The following CNTN5 variants were observed in gnomAD, a reference collection of about 807,000 sequenced individuals.
CNTN5 encodes the protein contactin 5.
In CNTN5, 77 loss-of-function variants were observed where a neutral mutation model predicts 129.1. That is an observed-to-expected ratio of 0.60 (90% CI 0.50 to 0.72). The LOEUF (loss-of-function observed/expected upper bound fraction) is 0.72, where lower values mean the gene tolerates loss of function less well. Among genes scored for constraint, CNTN5 ranks in the 30% least tolerant of loss-of-function variants. CNTN5 has a pLI of 0.00. For missense variants in CNTN5, 1,478 were observed against 1,328.8 expected (o/e 1.11, Z -1.75); for synonymous variants, 509 against 465.6 (o/e 1.09, Z -1.20).
At chr11:99,246,708 C>T (rs757310778) in intron 1 of CNTN5, among the ~76,000 whole-genome samples, 3 of 152,006 alleles carry the variant, frequency 2.0e-5, no homozygotes, top group Non-Finnish European at 4.4e-5. Flanking sequence ...AAAGACAAAC[C>T]ATCCAAATCT....
chr11:99,390,276 C>T (rs1255415759), intron 2 of CNTN5, among the ~76,000 whole-genome samples: 1 of 152,046 alleles, frequency 6.6e-6, no homozygotes, highest in Non-Finnish European at 1.5e-5. Flanking sequence ...TACCACTAAG[C>T]CCAGCTCATC....
At chr11:99,399,852 T>C (rs1013974390) in intron 2 of CNTN5, among the ~76,000 whole-genome samples, 2 of 151,778 alleles carry the variant, frequency 1.3e-5, no homozygotes, top group African/African-American at 4.8e-5. Context: ...TTTCTATAAT[T>C]TTTTATTTTT....
chr11:99,890,322 A>G (rs1296855372), intron 6 of CNTN5, among the ~76,000 whole-genome samples: 2 of 152,172 alleles, frequency 1.3e-5, no homozygotes, highest in Admixed American at 6.6e-5. Context: ...TAAAATATCT[A>G]TGAATCATAC....
At chr11:99,703,955 A>C (rs2134892304) in intron 3 of CNTN5, among the ~76,000 whole-genome samples, 1 of 151,192 alleles carries the variant, frequency 6.6e-6, no homozygotes, top group African/African-American at 2.4e-5. Context: ...AGAATAAATA[A>C]TCTGAAACAA....
intron 15 of CNTN5, among the ~76,000 whole-genome samples, chr11:100,218,128 G>A (rs1412489829): frequency 6.6e-6 from 1 of 152,096 alleles, no homozygotes; most frequent in East Asian, 1.9e-4. Flanking sequence ...TGCATTGGAG[G>A]TCCAAGAAAA....
intron 2 of CNTN5, among the ~76,000 whole-genome samples, chr11:99,457,802 G>A (rs191663697): frequency 9.2e-5 from 14 of 151,590 alleles, no homozygotes; most frequent in Admixed American, 2.6e-4. Context: ...TCACTTTTAT[G>A]TATTTTTTTT....
intron 13 of CNTN5, among the ~76,000 whole-genome samples, chr11:100,186,023 A>G (rs949323357): frequency 2.0e-5 from 3 of 152,194 alleles, no homozygotes; most frequent in Non-Finnish European, 4.4e-5. Flanking sequence ...GTAAAGGTTT[A>G]AACTAAGTTG....
intron 2 of CNTN5, among the ~76,000 whole-genome samples, chr11:99,504,529 C>CCA (rs1401975825): frequency 1.1e-5 from 1 of 90,338 alleles, no homozygotes; most frequent in East Asian, 3.0e-4. Context: ...GACTCCGTCT[C>CCA]AAAAAAAAAA....
chr11:99,295,733 G>A (rs913112359), intron 1 of CNTN5, among the ~76,000 whole-genome samples: 26 of 151,642 alleles, frequency 1.7e-4, no homozygotes, highest in African/African-American at 3.9e-4. Flanking sequence ...AAAATTAGCC[G>A]GGCGCGGTGG....
chr11:100,036,607 A>G (rs542872412), intron 9 of CNTN5, among the ~76,000 whole-genome samples: 6 of 149,272 alleles, frequency 4.0e-5, no homozygotes, highest in African/African-American at 1.2e-4. Context: ...TGAGCAAGGA[A>G]TGTTCTTCCA....
At chr11:99,538,012 G>T (rs1033588674) in intron 2 of CNTN5, among the ~76,000 whole-genome samples, 12 of 152,130 alleles carry the variant, frequency 7.9e-5, no homozygotes, top group African/African-American at 2.9e-4. Context: ...TCCTCTAATT[G>T]GTGGCTGCCT....
chr11:99,076,938 T>A (rs550662061), intron 1 of CNTN5, among the ~76,000 whole-genome samples: 1 of 152,316 alleles, frequency 6.6e-6, no homozygotes, highest in East Asian at 1.9e-4. Context: ...ATTTTGTTAT[T>A]TTTCTGCTTC....
chr11:100,038,569 G>T (rs970312977), intron 9 of CNTN5, among the ~76,000 whole-genome samples: 1 of 152,090 alleles, frequency 6.6e-6, no homozygotes, highest in African/African-American at 2.4e-5. Context: ...ACAGTGAGGT[G>T]TTAAAATCTC....
intron 13 of CNTN5, among the ~76,000 whole-genome samples, chr11:100,189,915 A>G (rs984857203): frequency 9.2e-5 from 14 of 152,100 alleles, no homozygotes; most frequent in African/African-American, 2.9e-4. Context: ...ATTGGAAACC[A>G]TATGTTTTCA....
At chr11:99,182,105 A>G (rs534332498) in intron 1 of CNTN5, among the ~76,000 whole-genome samples, 1 of 152,266 alleles carries the variant, frequency 6.6e-6, no homozygotes, top group African/African-American at 2.4e-5. Flanking sequence ...CTGCCCGCTG[A>G]TTAAATAGTC....
intron 1 of CNTN5, among the ~76,000 whole-genome samples, chr11:99,100,107 C>T (rs1038696928): frequency 6.6e-6 from 1 of 151,810 alleles, no homozygotes; most frequent in East Asian, 1.9e-4. Flanking sequence ...AGTAATGACC[C>T]AAAAAACAAT....
intron 2 of CNTN5, among the ~76,000 whole-genome samples, chr11:99,402,056 T>C (rs1380445403): frequency 6.6e-6 from 1 of 152,156 alleles, no homozygotes; most frequent in Non-Finnish European, 1.5e-5. Flanking sequence ...TGGACGCACT[T>C]TATATATTTC....
chr11:99,683,252 T>C (rs1454787470), intron 3 of CNTN5, among the ~76,000 whole-genome samples: 1 of 151,838 alleles, frequency 6.6e-6, no homozygotes, highest in South Asian at 2.1e-4. Context: ...CCCTGTGTTA[T>C]TTTATGGAAA....
chr11:99,562,096 G>GTC (rs971982000), intron 3 of CNTN5, among the ~76,000 whole-genome samples: 16 of 151,798 alleles, frequency 1.1e-4, no homozygotes, highest in South Asian at 8.3e-4. Flanking sequence ...TTGTAAGAGT[G>GTC]TCTCTCTCTC....
Sources: allele counts gnomAD v4.1 joint callset (sites outside exome capture counted in the v4.1 genomes callset), GRCh38; gene constraint gnomAD v4.1.1; transcripts MANE v1.5; gene names NCBI Gene and HGNC (gene_info 2026-07-23, HGNC 2026-07-21).